Variants in TCF4 observed in about 807,000 individuals in gnomAD.
TCF4 encodes the protein transcription factor 4.
TCF4 carries 3 observed loss-of-function variants against 82.1 expected under a neutral mutation model. That is an observed-to-expected ratio of 0.04 (90% confidence interval 0.02 to 0.09). The LOEUF (loss-of-function observed/expected upper bound fraction) is 0.09. Ranked by LOEUF, TCF4 falls within the 10% of genes least tolerant of loss-of-function variation. The pLI, the probability that TCF4 is intolerant of heterozygous loss-of-function variation, is 1.00. For missense variants in TCF4, 518 were observed against 852.7 expected (o/e 0.61, Z 4.89); for synonymous variants, 276 against 309.6 (o/e 0.89, Z 1.14).
chr18:55,366,675 A>C lies in TCF4; in HGVS notation c.370-15672T>G, dbSNP rs536557721. Among the ~76,000 whole-genome samples the C allele has an allele frequency of 2.6e-5, 4 of 152,332 alleles. No individual in the cohort carries two copies. The East Asian group carries it at 7.7e-4, about 29-fold the overall frequency. On this transcript the variant is annotated intron_variant, in intron 6 of 19. Coordinates refer to ENST00000354452, the MANE Select transcript of TCF4 (RefSeq NM_001083962.2). Reference sequence around the variant, plus strand: ...CTTTCAATTCCCTTAGAATATTTGCACCCAGCCTGCTCAATTTTGGCACAT... The same window carrying C: ...CTTTCAATTCCCTTAGAATATTTGCCCCCAGCCTGCTCAATTTTGGCACAT...
intron 9 of TCF4, among the ~76,000 whole-genome samples, chr18:55,277,954 C>T (rs1035897311): frequency 2.0e-5 from 3 of 152,078 alleles, no homozygotes; most frequent in East Asian, 1.9e-4. Context: ...ACAAAACGCA[C>T]CCAGGTGACA....
In TCF4 at chr18:55,627,534, C is replaced by T. The variant is rs552210783; in HGVS notation, c.286+3764G>A. Among the ~76,000 whole-genome samples, 404 of 152,164 alleles carry T rather than the reference C, an allele frequency of 2.7e-3. 1 individual carries two copies. The highest frequency in any genetic ancestry group is 6.1e-3 in the African/African-American group (253 of 41,518). ...ATCTCAGCACTTTGGGAGGCCAAGGCGGGTGGATCACTTGAGGTCAGGAGT... is the reference window on the plus strand; with the variant it reads ...ATCTCAGCACTTTGGGAGGCCAAGGTGGGTGGATCACTTGAGGTCAGGAGT... On this transcript the variant is annotated intron_variant, in intron 2 of 20. Coordinates refer to the TCF4 transcript ENST00000398339.
intron 5 of TCF4, among the ~76,000 whole-genome samples, chr18:55,443,159 TTTAAAACAGGTTG>T (rs1467369690): frequency 1.3e-5 from 2 of 152,190 alleles, no homozygotes; most frequent in Non-Finnish European, 2.9e-5. Context: ...ATTGCTTGGT[TTTAAAACAGGTTG>T]TTGGATACTA....
intron 2 of TCF4, among the ~76,000 whole-genome samples, chr18:55,600,826 CTA>C (rs1415913763): frequency 6.6e-6 from 1 of 152,150 alleles, no homozygotes; most frequent in African/African-American, 2.4e-5. Flanking sequence ...ACATATAAGA[CTA>C]TTTTTTGGCC....
chr18:55,472,659 C>T (rs2096210100), intron 3 of TCF4, among the ~76,000 whole-genome samples: 1 of 152,018 alleles, frequency 6.6e-6, no homozygotes, highest in Non-Finnish European at 1.5e-5. Context: ...TCAGTCTTAA[C>T]TAAGACAGTT....
At chr18:55,587,697 G>T (rs1005419236) in intron 1 of TCF4, among the ~76,000 whole-genome samples, 1 of 151,922 alleles carries the variant, frequency 6.6e-6, no homozygotes, top group Non-Finnish European at 1.5e-5. Context: ...ACGTCCAAAG[G>T]GGGAGGGGTG....
chr18:55,469,841 T>C (rs2096133671), intron 3 of TCF4, among the ~76,000 whole-genome samples: 2 of 152,176 alleles, frequency 1.3e-5, no homozygotes, highest in African/African-American at 4.8e-5. Flanking sequence ...TTCTTGGAAA[T>C]AGGGCAGGCT....
intron 3 of TCF4, among the ~76,000 whole-genome samples, chr18:55,489,429 T>C (rs1036199421): frequency 1.3e-5 from 2 of 151,966 alleles, no homozygotes; most frequent in African/African-American, 4.8e-5. Context: ...GAGAAGATAA[T>C]AAAGTTCAGA....
chr18:55,240,199 T>C (rs900469612), intron 15 of TCF4, among the ~76,000 whole-genome samples: 1 of 152,236 alleles, frequency 6.6e-6, no homozygotes. Flanking sequence ...ATTTTGGACA[T>C]AGATTTTTTT....
At chr18:55,384,409 T>C (rs781541006) in intron 6 of TCF4, among the ~76,000 whole-genome samples, 15 of 152,226 alleles carry the variant, frequency 9.9e-5, no homozygotes, top group Non-Finnish European at 1.8e-4. Flanking sequence ...GCATGTGTCG[T>C]CTTCAACTGC....
intron 3 of TCF4, among the ~76,000 whole-genome samples, chr18:55,567,378 A>G (rs1466829338): frequency 1.3e-5 from 2 of 152,264 alleles, no homozygotes; most frequent in Non-Finnish European, 2.9e-5. Flanking sequence ...TAAATTCATC[A>G]TCATAGCAAA....
chr18:55,422,284 T>G, intron 5 of TCF4: 1 of 985,420 alleles, frequency 1.0e-6, no homozygotes, highest in Non-Finnish European at 1.2e-6. Context: ...AATAAACTGT[T>G]GTGGCGTGAA....
At chr18:55,523,785 A>G (rs1179474931) in intron 3 of TCF4, among the ~76,000 whole-genome samples, 1 of 152,090 alleles carries the variant, frequency 6.6e-6, no homozygotes, top group Non-Finnish European at 1.5e-5. Flanking sequence ...AATGTTCTGC[A>G]ATACATAGTA....
intron 3 of TCF4, among the ~76,000 whole-genome samples, chr18:55,579,156 C>A (rs2097554307): frequency 1.3e-5 from 2 of 151,050 alleles, no homozygotes; most frequent in Non-Finnish European, 3.0e-5. Flanking sequence ...ATTATTATTT[C>A]TCTTATATCT....
chr18:55,612,012 C>A (rs1488910829), intron 2 of TCF4, among the ~76,000 whole-genome samples: 21 of 152,288 alleles, frequency 1.4e-4, no homozygotes, highest in Non-Finnish European at 2.8e-4. Context: ...CTCAGGTAAT[C>A]CACCCGCCTT....
intron 5 of TCF4, among the ~76,000 whole-genome samples, chr18:55,415,733 G>A (rs2094503963): frequency 6.6e-6 from 1 of 152,174 alleles, no homozygotes; most frequent in Non-Finnish European, 1.5e-5. Context: ...GCTTCTGTCA[G>A]TTTTCAAGGC....
At chr18:55,251,891 T>C (rs2055242147) in intron 15 of TCF4, among the ~76,000 whole-genome samples, 2 of 151,002 alleles carry the variant, frequency 1.3e-5, no homozygotes, top group South Asian at 4.2e-4. Context: ...ACCAGTATCC[T>C]CCTTGAATTT....
intron 15 of TCF4, among the ~76,000 whole-genome samples, chr18:55,248,328 G>C (rs2053943210): frequency 6.6e-6 from 1 of 152,230 alleles, no homozygotes. Context: ...TAGCTTCGCT[G>C]AAATTCTGTA....
intron 6 of TCF4, among the ~76,000 whole-genome samples, chr18:55,388,878 C>T (rs566697532): frequency 2.9e-4 from 44 of 152,230 alleles, no homozygotes; most frequent in Admixed American, 7.9e-4. Flanking sequence ...AATCTCAGCA[C>T]TTTGGGAGGC....
Sources: allele counts gnomAD v4.1 joint callset (sites outside exome capture counted in the v4.1 genomes callset), GRCh38; gene constraint gnomAD v4.1.1; transcripts MANE v1.5; gene names NCBI Gene and HGNC (gene_info 2026-07-23, HGNC 2026-07-21).